The following ABCA13 variants were observed in gnomAD, a reference collection of about 807,000 sequenced individuals.
The protein encoded by ABCA13 is ATP binding cassette subfamily A member 13, also known as ATP-binding cassette sub-family A member 13.
ABCA13 carries 476 observed loss-of-function variants against 478.7 expected under a neutral mutation model. The observed-to-expected ratio is 0.99, with a 90% CI of 0.92 to 1.07. The LOEUF (loss-of-function observed/expected upper bound fraction) is 1.07, where lower values mean the gene tolerates loss of function less well. Among genes scored for constraint, ABCA13 ranks in the 50% least tolerant of loss-of-function variants. ABCA13 has a pLI of 0.00. For missense variants in ABCA13, 6,060 were observed against 5,910.6 expected, an observed-to-expected ratio of 1.03 and a Z score of -0.83; for synonymous variants, 2,252 against 2,158.9, an observed-to-expected ratio of 1.04 and a Z score of -1.20.
rs746402936 is a variant in ABCA13 at position 48,274,448 on chromosome 7, C to T, written c.4782C>T (p.Gly1594=). Residue 1594 remains glycine, a synonymous_variant, in exon 17 of 62, where the codon GGC becomes GGT. Coordinates refer to ENST00000435803, the MANE Select transcript of ABCA13 (RefSeq NM_152701.5). The part of the protein sequence containing the change: ...SPKEKDVNSV[G]NSIYHLASYL... ...AAGAAAAGGATGTAAACAGTGTAGGCAATTCCATTTATCACTTAGCTAGTT... is the reference window on the plus strand; with the variant it reads ...AAGAAAAGGATGTAAACAGTGTAGGTAATTCCATTTATCACTTAGCTAGTT... The T allele has an allele frequency of 5.8e-5, 94 of 1,613,622 alleles. No individual in the cohort carries two copies. Among genetic ancestry groups the T allele is most frequent in the Non-Finnish European group, 7.8e-5 (92 of 1,179,790 alleles).
intron 35 of ABCA13, among the ~76,000 whole-genome samples, chr7:48,380,936 G>C (rs1202605632): frequency 2.0e-5 from 3 of 152,140 alleles, no homozygotes; most frequent in African/African-American, 7.2e-5. Flanking sequence ...CCCAGGGCAA[G>C]GTACCAGCCA....
intron 58 of ABCA13, among the ~76,000 whole-genome samples, chr7:48,600,716 T>G (rs1790801632): frequency 6.6e-6 from 1 of 152,192 alleles, no homozygotes; most frequent in South Asian, 2.1e-4. Flanking sequence ...TATTGCATTT[T>G]ATATGCTATA....
intron 55 of ABCA13, among the ~76,000 whole-genome samples, chr7:48,542,072 T>C (rs979682807): frequency 6.6e-6 from 1 of 151,608 alleles, no homozygotes; most frequent in African/African-American, 2.4e-5. Flanking sequence ...ATACATTCTT[T>C]GATGTGAAGT....
chr7:48,573,050 CTT>C (rs1390318969), intron 55 of ABCA13, among the ~76,000 whole-genome samples: 1 of 151,798 alleles, frequency 6.6e-6, no homozygotes, highest in Non-Finnish European at 1.5e-5. Flanking sequence ...TAATATCTAT[CTT>C]AAGTGATGTT....
At chr7:48,298,606 G>A in intron 23 of ABCA13, 119 bp downstream of exon 23, 1 of 1,203,256 alleles carries the variant, frequency 8.3e-7, no homozygotes, top group Non-Finnish European at 1.1e-6. Context: ...TAGTGTAGTG[G>A]GTTGCTGCAC....
intron 55 of ABCA13, among the ~76,000 whole-genome samples, chr7:48,566,300 G>A (rs1787057269): frequency 6.6e-6 from 1 of 152,108 alleles, no homozygotes; most frequent in South Asian, 2.1e-4. Context: ...GCCACTTGAA[G>A]CTCACTTTTC....
chr7:48,365,999 T>G (rs955012148), intron 31 of ABCA13, among the ~76,000 whole-genome samples: 10 of 152,124 alleles, frequency 6.6e-5, no homozygotes, highest in Non-Finnish European at 1.5e-4. Context: ...AAAAAAATCC[T>G]AAAACTTATA....
chr7:48,315,877 G>C (rs1802514173), intron 26 of ABCA13, among the ~76,000 whole-genome samples: 1 of 152,140 alleles, frequency 6.6e-6, no homozygotes, highest in African/African-American at 2.4e-5. Flanking sequence ...TTGGGAAGAT[G>C]AAAGTAACAT....
intron 1 of ABCA13, among the ~76,000 whole-genome samples, chr7:48,181,189 T>C (rs1216332722): frequency 6.6e-6 from 1 of 152,174 alleles, no homozygotes; most frequent in East Asian, 1.9e-4. Flanking sequence ...TAGGGCTTAT[T>C]TGGTTTTCTA....
Position 48,274,006 on chromosome 7 carries a change from C to T in ABCA13, c.4340C>T (p.Pro1447Leu), listed in dbSNP as rs1439912626. The T allele has an allele frequency of 6.2e-7, 1 of 1,607,212 alleles. No homozygotes were observed. Among genetic ancestry groups the T allele is most frequent in the South Asian group, 1.1e-5 (1 of 90,340 alleles). ...ACTTGGGTGTTAAATATAAAAAAAC[C>T]TCTTTGTTCATCAAATGGCTCACAT... ...IVTWVLNIKK[P>L]LCSSNGSHIN... Residue 1447 changes from proline (P) to leucine (L), a missense_variant, in exon 17 of 62, where the codon CCT becomes CTT. This residue lies in a region of ABCA13 where 4,423 missense variants were observed against 4,309.1 expected (regional missense o/e 1.03). Transcript: ENST00000435803.
At chr7:48,474,663 C>A (rs1298098323) in intron 45 of ABCA13, among the ~76,000 whole-genome samples, 2 of 152,174 alleles carry the variant, frequency 1.3e-5, no homozygotes, top group Admixed American at 1.3e-4. Flanking sequence ...AGGCTTATTT[C>A]TGAGGCCTTT....
chr7:48,546,222 A>T lies in ABCA13; in HGVS notation c.14354+17877A>T, dbSNP rs888725806. Among the ~76,000 whole-genome samples the T allele has an allele frequency of 6.6e-5, 10 of 151,842 alleles. 1 individual carries two copies. Among genetic ancestry groups the T allele is most frequent in the East Asian group, 1.9e-4 (1 of 5,180 alleles). ...TATGTTAAAATCAAATCAAATTATA[A>T]TTTTTTTCTCAGCAGCCACTAGCAA... On this transcript the variant is annotated intron_variant, in intron 55 of 61. Transcript: ENST00000435803.
chr7:48,577,631 A>G (rs573293341), intron 55 of ABCA13, among the ~76,000 whole-genome samples: 74 of 152,282 alleles, frequency 4.9e-4, no homozygotes, highest in Middle Eastern at 3.4e-3. Context: ...AGGTGATCTC[A>G]CTGGTGAATT....
At chr7:48,347,985 A>T (rs1015602477) in intron 29 of ABCA13, among the ~76,000 whole-genome samples, 1 of 152,204 alleles carries the variant, frequency 6.6e-6, no homozygotes. Flanking sequence ...TCAGATGCCC[A>T]CTGAGGGGTG....
At chr7:48,514,496 A>G (rs981560231) in intron 51 of ABCA13, among the ~76,000 whole-genome samples, 7 of 152,202 alleles carry the variant, frequency 4.6e-5, no homozygotes, top group Non-Finnish European at 7.3e-5. Flanking sequence ...AGTTGGAGAG[A>G]GTTTTCATTC....
intron 28 of ABCA13, among the ~76,000 whole-genome samples, 184 bp from the exon 29 acceptor site, chr7:48,338,181 C>A (rs533281973): frequency 3.3e-5 from 5 of 152,106 alleles, no homozygotes; most frequent in Non-Finnish European, 5.9e-5. Context: ...TTTTGTTTTT[C>A]AAGGTAAGCT....
chr7:48,580,195 T>G (rs1426162979), intron 55 of ABCA13, 29 bp from the exon 56 acceptor site: 9 of 1,580,654 alleles, frequency 5.7e-6, no homozygotes, highest in Non-Finnish European at 6.9e-6. Context: ...GAAACTGCTG[T>G]TCTCAGCCTG....
At chr7:48,300,941 C>T (rs1800062362) in intron 23 of ABCA13, among the ~76,000 whole-genome samples, 1 of 152,166 alleles carries the variant, frequency 6.6e-6, no homozygotes. Context: ...CAATGACTTC[C>T]TTCTTTGTGT....
chr7:48,204,215 ATT>A (rs1185744775), intron 3 of ABCA13, among the ~76,000 whole-genome samples: 5 of 134,150 alleles, frequency 3.7e-5, no homozygotes, highest in Admixed American at 7.4e-5. Context: ...TAGACTTATA[ATT>A]TTTTTTTTTT....
Sources: gnomAD v4.1 joint callset for allele counts (sites outside exome capture counted in the v4.1 genomes callset) on GRCh38, gnomAD v4.1.1 for gene constraint, gnomAD v4.1.1 regional missense constraint, MANE v1.5 for transcripts, NCBI Gene and HGNC (gene_info 2026-07-23, HGNC 2026-07-21) for gene names.